Variants in DLGAP2 observed in about 807,000 individuals in gnomAD.
The protein encoded by DLGAP2 is DLG associated protein 2, also known as disks large-associated protein 2.
A neutral mutation model predicts 100.3 loss-of-function variants in DLGAP2; 26 were observed. The observed-to-expected ratio is 0.26, with a 90% CI of 0.19 to 0.36. The LOEUF is 0.36. DLGAP2 is among the 10% of genes least tolerant of loss of function. The pLI, the probability that DLGAP2 is intolerant of heterozygous loss-of-function variation, is 1.00. For missense variants in DLGAP2, 1,858 were observed against 1,453.2 expected, an observed-to-expected ratio of 1.28 and a Z score of -4.53; for synonymous variants, 886 against 630.1, an observed-to-expected ratio of 1.41 and a Z score of -6.08.
At chr8:1,055,508 G>A (rs1466027436) in intron 2 of DLGAP2, among the ~76,000 whole-genome samples, 1 of 152,136 alleles carries the variant, frequency 6.6e-6, no homozygotes. Flanking sequence ...CTTAAAGTCT[G>A]TTGTTATCAC....
At chr8:845,946 C>G (rs958121322) in intron 1 of DLGAP2, among the ~76,000 whole-genome samples, 1 of 152,158 alleles carries the variant, frequency 6.6e-6, no homozygotes, top group African/African-American at 2.4e-5. Flanking sequence ...TCTTGGCACC[C>G]TTGTCAAAAA....
chr8:1,194,423 GC>G (rs1471534947), intron 2 of DLGAP2, among the ~76,000 whole-genome samples: 2 of 152,130 alleles, frequency 1.3e-5, no homozygotes, highest in Non-Finnish European at 2.9e-5. Context: ...AGAGCTGGAG[GC>G]TCCTCCTGCC....
At chr8:1,213,245 A>G (rs4735996) in intron 2 of DLGAP2, among the ~76,000 whole-genome samples, 1 of 152,006 alleles carries the variant, frequency 6.6e-6, no homozygotes, top group South Asian at 2.1e-4. Context: ...TAAATCTGCA[A>G]GTCAACAACA....
intron 1 of DLGAP2, among the ~76,000 whole-genome samples, chr8:844,407 C>T (rs116612704): frequency 2.5e-3 from 386 of 152,332 alleles, no homozygotes; most frequent in African/African-American, 8.2e-3. Context: ...TATTGGTAGA[C>T]GACAGTCTCG....
At chr8:1,410,862 G>C (rs913080401) in intron 3 of DLGAP2, among the ~76,000 whole-genome samples, 1 of 135,986 alleles carries the variant, frequency 7.4e-6, no homozygotes, top group African/African-American at 2.8e-5. Context: ...AAACTTCCTT[G>C]TTTTCAGTTG....
chr8:1,669,042 T>C (rs149088954), intron 9 of DLGAP2, among the ~76,000 whole-genome samples: 3 of 152,318 alleles, frequency 2.0e-5, no homozygotes, highest in African/African-American at 4.8e-5. Context: ...AGGGTTTCTG[T>C]TGAAGTCTGA....
intron 6 of DLGAP2, among the ~76,000 whole-genome samples, chr8:1,597,379 GT>G (rs34775138): frequency 5.4e-4 from 81 of 150,260 alleles, no homozygotes; most frequent in Admixed American, 9.3e-4. Flanking sequence ...ATTTAAAGTA[GT>G]TTTTTTTTTC....
chr8:1,125,532 A>C (rs927249800), intron 2 of DLGAP2, among the ~76,000 whole-genome samples: 2 of 152,222 alleles, frequency 1.3e-5, no homozygotes, highest in Admixed American at 1.3e-4. Context: ...ATGCAGATGA[A>C]AACAACTCAA....
At chr8:1,351,607 TG>T (rs1176276060) in intron 3 of DLGAP2, among the ~76,000 whole-genome samples, 3 of 43,964 alleles carry the variant, frequency 6.8e-5, no homozygotes, top group Admixed American at 3.6e-4. Context: ...GTCCTGCGTG[TG>T]GCGTGGAAAG....
intron 3 of DLGAP2, among the ~76,000 whole-genome samples, chr8:1,367,707 T>C (rs59725156): frequency 0.015 from 2,331 of 152,350 alleles, 50 homozygotes; most frequent in African/African-American, 0.051. Flanking sequence ...GAGTGTTTAA[T>C]GCGTGTCTCA....
At position 1,684,734 on chromosome 8, in the gene DLGAP2, T is replaced by TAGTA. The variant is rs1554431045; in HGVS notation, c.2704+6106_2704+6107insGTAA. On this transcript the variant is annotated intron_variant, in intron 12 of 14. Transcript: ENST00000637795. ...CATTAGTAATGTTTTAAGATTTTTG[T>TAGTA]ATTATGTCAAACCAAATGGGTAAAT... 5.3e-4 allele frequency among the ~76,000 whole-genome samples: 81 copies of TAGTA among 151,702 alleles called. 1 individual carries two copies. The highest frequency in any genetic ancestry group is 1.9e-3 in the African/African-American group (78 of 41,258).
chr8:933,269 C>G (rs1180237066), intron 2 of DLGAP2, among the ~76,000 whole-genome samples: 9 of 152,258 alleles, frequency 5.9e-5, no homozygotes, highest in African/African-American at 2.2e-4. Flanking sequence ...AGGGAGCCCT[C>G]TGTCCTGGAA....
At chr8:1,267,033 C>G (rs1341261935) in intron 3 of DLGAP2, among the ~76,000 whole-genome samples, 1 of 151,592 alleles carries the variant, frequency 6.6e-6, no homozygotes. Flanking sequence ...TCAAAACCAT[C>G]CTGGCTAACA....
At chr8:1,592,329 C>G (rs1796317102) in intron 6 of DLGAP2, among the ~76,000 whole-genome samples, 1 of 152,178 alleles carries the variant, frequency 6.6e-6, no homozygotes, top group Non-Finnish European at 1.5e-5. Flanking sequence ...TATGAAAACT[C>G]TGAAAATCTT....
At chr8:806,698 A>G (rs896840038) in intron 1 of DLGAP2, among the ~76,000 whole-genome samples, 1 of 152,164 alleles carries the variant, frequency 6.6e-6, no homozygotes, top group Non-Finnish European at 1.5e-5. Context: ...CATTTCAGAG[A>G]AGTCGTGATG....
At chr8:1,023,497 G>A (rs1481641108) in intron 2 of DLGAP2, among the ~76,000 whole-genome samples, 1 of 152,164 alleles carries the variant, frequency 6.6e-6, no homozygotes, top group African/African-American at 2.4e-5. Flanking sequence ...CACCTGGCTG[G>A]AGTCCTGTTT....
intron 2 of DLGAP2, among the ~76,000 whole-genome samples, chr8:1,099,021 A>G (rs1349055319): frequency 6.6e-6 from 1 of 152,072 alleles, no homozygotes; most frequent in African/African-American, 2.4e-5. Flanking sequence ...TTCATGGCTC[A>G]CTCCTCTGGG....
At chr8:856,131 T>G (rs1797271327) in intron 1 of DLGAP2, among the ~76,000 whole-genome samples, 1 of 150,872 alleles carries the variant, frequency 6.6e-6, no homozygotes, top group African/African-American at 2.4e-5. Flanking sequence ...GATGACATGA[T>G]TATTTATGTA....
chr8:1,006,189 A>G, intron 2 of DLGAP2, among the ~76,000 whole-genome samples: 1 of 152,178 alleles, frequency 6.6e-6, no homozygotes. Flanking sequence ...ACACCATCTC[A>G]AAAAGAAAAG....
Sources: allele counts gnomAD v4.1 joint callset (sites outside exome capture counted in the v4.1 genomes callset), GRCh38; gene constraint gnomAD v4.1.1; transcripts MANE v1.5; gene names NCBI Gene and HGNC (gene_info 2026-07-23, HGNC 2026-07-21).